The following ELF2 variants were observed in gnomAD, a reference collection of about 807,000 sequenced individuals.
The protein encoded by ELF2 is ETS-related transcription factor Elf-2.
Under a neutral mutation model 54.8 loss-of-function variants are expected in ELF2, and 11 were observed. That is an observed-to-expected ratio of 0.20 (90% CI 0.13 to 0.33). ELF2 has a LOEUF of 0.33. ELF2 is among the 10% of genes least tolerant of loss of function. The pLI, the probability that ELF2 is intolerant of heterozygous loss-of-function variation, is 1.00. For synonymous variants in ELF2, 203 were observed against 245.1 expected (o/e 0.83, Z 1.61); for missense variants, 513 against 703.0 (o/e 0.73, Z 3.06).
chr4:139,161,681 T>A (rs76847466), intron 1 of ELF2, among the ~76,000 whole-genome samples: 136 of 93,254 alleles, frequency 1.5e-3, no homozygotes, highest in African/African-American at 3.9e-3. Flanking sequence ...AAAAAAAAAC[T>A]CTGAGTAGGC....
At chr4:139,111,492 T>C (rs942025204) in intron 4 of ELF2, among the ~76,000 whole-genome samples, 1 of 129,666 alleles carries the variant, frequency 7.7e-6, no homozygotes, top group Admixed American at 7.7e-5. Flanking sequence ...CATACCAACC[T>C]TTTTTTTTTT....
At chr4:139,171,505 G>C (rs1354118977) in intron 1 of ELF2, among the ~76,000 whole-genome samples, 2 of 151,716 alleles carry the variant, frequency 1.3e-5, no homozygotes, top group Non-Finnish European at 2.9e-5. Flanking sequence ...GCATAAATGG[G>C]TTAAGAAAAA....
At chr4:139,164,181 A>C (rs1201868798) in intron 1 of ELF2, among the ~76,000 whole-genome samples, 1 of 145,098 alleles carries the variant, frequency 6.9e-6, no homozygotes, top group African/African-American at 2.5e-5. Context: ...AGAAAGAAAG[A>C]GAGGGAGATG....
chr4:139,129,775 A>G (rs1485751124), intron 3 of ELF2, among the ~76,000 whole-genome samples: 1 of 152,184 alleles, frequency 6.6e-6, no homozygotes, highest in Non-Finnish European at 1.5e-5. Flanking sequence ...CCTCAACTTT[A>G]GAGGGCACCT....
chr4:139,167,254 G>A (rs894312762), intron 1 of ELF2, among the ~76,000 whole-genome samples: 1 of 152,212 alleles, frequency 6.6e-6, no homozygotes, highest in Non-Finnish European at 1.5e-5. Flanking sequence ...ATTTAAGAAT[G>A]TGCACACAAT....
At chr4:139,115,188 GCGGTCATACTTGA>G in intron 4 of ELF2, 1 of 1,612,034 alleles carries the variant, frequency 6.2e-7, no homozygotes, top group Non-Finnish European at 8.5e-7. Flanking sequence ...GTAGCTCCTT[GCGGTCATACTTGA>G]CGGTGACCTT....
intron 1 of ELF2, among the ~76,000 whole-genome samples, chr4:139,142,435 A>G (rs989476896): frequency 1.3e-5 from 2 of 152,124 alleles, no homozygotes; most frequent in African/African-American, 2.4e-5. Flanking sequence ...CAGAAAGGTA[A>G]GGGAAGGGAG....
chr4:139,117,673 C>T (rs371641084), intron 4 of ELF2, among the ~76,000 whole-genome samples: 3 of 150,864 alleles, frequency 2.0e-5, no homozygotes, highest in Admixed American at 6.6e-5. Context: ...GAGAGTGAGC[C>T]GGGCACAGTG....
At chr4:139,139,365 G>T in intron 2 of ELF2, 48 bp downstream of exon 2, 1 of 959,358 alleles carries the variant, frequency 1.0e-6, no homozygotes, top group Non-Finnish European at 1.3e-6. Context: ...ACCATATAAG[G>T]TACTATTCCC....
At chr4:139,148,165 T>C (rs1334066784) in intron 1 of ELF2, among the ~76,000 whole-genome samples, 1 of 151,206 alleles carries the variant, frequency 6.6e-6, no homozygotes, top group African/African-American at 2.4e-5. Flanking sequence ...CCATTTCATA[T>C]GAATATAATT....
intron 2 of ELF2, among the ~76,000 whole-genome samples, chr4:139,138,253 C>A (rs1738376244): frequency 6.6e-6 from 1 of 152,050 alleles, no homozygotes; most frequent in South Asian, 2.1e-4. Context: ...CCCACCTTTA[C>A]TAAAAATACA....
chr4:139,092,410 AACAT>A (rs1307947025), intron 4 of ELF2, among the ~76,000 whole-genome samples: 671 of 64,084 alleles, frequency 0.01, 21 homozygotes, highest in South Asian at 0.029. Flanking sequence ...AACATAACAT[AACAT>A]ACATAACATA....
chr4:139,135,328 T>A (rs977768012), intron 3 of ELF2, among the ~76,000 whole-genome samples: 1 of 151,556 alleles, frequency 6.6e-6, no homozygotes, highest in Non-Finnish European at 1.5e-5. Context: ...GACAAAAATC[T>A]ATCTTTCAAA....
chr4:139,164,050 G>A (rs920981408), intron 1 of ELF2, among the ~76,000 whole-genome samples: 4 of 149,838 alleles, frequency 2.7e-5, no homozygotes, highest in Non-Finnish European at 4.5e-5. Context: ...AGGCAGGGGT[G>A]AGAGAGAAAG....
intron 4 of ELF2, among the ~76,000 whole-genome samples, chr4:139,085,886 C>T (rs76553471): frequency 6.6e-6 from 1 of 152,230 alleles, no homozygotes; most frequent in African/African-American, 2.4e-5. Flanking sequence ...GAGCTGTGAT[C>T]GCACCACTGC....
At chr4:139,113,672 T>C (rs534347812) in intron 4 of ELF2, among the ~76,000 whole-genome samples, 1 of 152,014 alleles carries the variant, frequency 6.6e-6, no homozygotes, top group South Asian at 2.1e-4. Flanking sequence ...CTGGCCAACA[T>C]GGTGAAAGCC....
At chr4:139,092,084 G>T (rs566624244) in intron 4 of ELF2, among the ~76,000 whole-genome samples, 1 of 151,448 alleles carries the variant, frequency 6.6e-6, no homozygotes, top group Non-Finnish European at 1.5e-5. Flanking sequence ...AAAATAGGCC[G>T]GGTGTGGTGG....
intron 4 of ELF2, among the ~76,000 whole-genome samples, chr4:139,078,571 A>G (rs2148714342): frequency 6.9e-6 from 1 of 145,020 alleles, no homozygotes; most frequent in Non-Finnish European, 1.5e-5. Context: ...AAGAATGGCA[A>G]TTCTTTTTTT....
chr4:139,069,354 G>T (rs1729183440), intron 6 of ELF2, among the ~76,000 whole-genome samples: 1 of 152,140 alleles, frequency 6.6e-6, no homozygotes, highest in African/African-American at 2.4e-5. Context: ...GTAATCAGAA[G>T]TCTGTTTTAA....
Sources: gnomAD v4.1 joint callset for allele counts (sites outside exome capture counted in the v4.1 genomes callset) on GRCh38, gnomAD v4.1.1 for gene constraint, MANE v1.5 for transcripts, NCBI Gene and HGNC (gene_info 2026-07-23, HGNC 2026-07-21) for gene names.